PIEZO1: variants seen among roughly 807,000 people sequenced by gnomAD.
The protein encoded by PIEZO1 is piezo-type mechanosensitive ion channel component 1.
In PIEZO1, 296 loss-of-function variants were observed where a neutral mutation model predicts 297.2. The ratio of observed to expected loss-of-function variants is 1.00; its 90% CI spans 0.91 to 1.10. PIEZO1 has a LOEUF of 1.10. PIEZO1 is among the 50% of genes least tolerant of loss of function. The pLI, the probability that PIEZO1 is intolerant of heterozygous loss-of-function variation, is 0.00. For synonymous variants in PIEZO1, 2,427 were observed against 1,507.5 expected (o/e 1.61, Z -14.13); for missense variants, 5,018 against 3,455.5 (o/e 1.45, Z -11.34).
chr16:88,741,593 T>C lies in PIEZO1; in HGVS notation c.350A>G (p.Asn117Ser), dbSNP rs1174487457. 3.3e-6 allele frequency: 5 copies of C among 1,532,056 alleles called. No homozygotes were observed. Among genetic ancestry groups the C allele is most frequent in the South Asian group, 1.2e-5 (1 of 83,764 alleles). 94.9% of individuals were successfully genotyped at this position (1,532,056 alleles called of 1,614,324 possible). A position where few individuals can be genotyped will look rare whatever the true frequency, so the allele number is the denominator to read the frequency against. The change falls in exon 5 of 51, where the codon AAC becomes AGC. Residue 117 changes from asparagine (N) to serine (S), a missense_variant. By Grantham distance (46) the Asn-to-Ser change is conservative. Coordinates refer to ENST00000301015, the MANE Select transcript of PIEZO1 (RefSeq NM_001142864.4). ...GTCAGGGGCCACCAGCCGGATGGCG[T>C]TGGGGATGTCCTTCAGGTCCAGCCT... ...VTRLDLKDIP[N>S]AIRLVAPDLG...
rs1456475664 is a variant in PIEZO1, at chr16:88,726,759, T to C, written c.3655A>G (p.Ile1219Val). The C allele has an allele frequency of 6.5e-7, 1 of 1,550,006 alleles. No individual in the cohort carries two copies. Among genetic ancestry groups the C allele is most frequent in the Admixed American group, 2.0e-5 (1 of 50,994 alleles). ...RARLVLWDCLILYNVTVIISK... is the reference protein window; with the variant it reads ...RARLVLWDCLVLYNVTVIISK... ...ATGATGACGGTGACGTTGTACAGAA[T>C]GAGGCAGTCCCACAGCACGAGGCGG... Residue 1219 changes from isoleucine to valine, a missense_variant, in exon 25 of 51, where the codon ATT (isoleucine) becomes GTT (valine). Ile to Val is a conservative substitution (Grantham distance 29, BLOSUM62 3). Transcript: ENST00000301015.
intron 21 of PIEZO1, 69 bp downstream of exon 21, chr16:88,732,266 A>G: frequency 2.2e-6 from 3 of 1,371,754 alleles, no homozygotes; most frequent in South Asian, 1.3e-5. Context: ...CGGTGCCTGC[A>G]CGGTGCAGCC....
At chr16:88,740,066 G>C in intron 5 of PIEZO1, 1 of 151,868 alleles carries the variant, frequency 6.6e-6, no homozygotes. Flanking sequence ...GCCCTGACTT[G>C]GGCCCCACGT....
chr16:88,754,738 G>A (rs2142872782), intron 1 of PIEZO1, among the ~76,000 whole-genome samples: 1 of 152,320 alleles, frequency 6.6e-6, no homozygotes, highest in Middle Eastern at 3.4e-3. Context: ...GCCTGTGTGT[G>A]ACCCCACACT....
chr16:88,716,132 G>A lies in PIEZO1; in HGVS notation c.7130-13C>T, dbSNP rs1373014527. 3.9e-6 allele frequency: 6 copies of A among 1,537,222 alleles called. No homozygotes were observed. The highest frequency in any genetic ancestry group is 2.5e-5 in the East Asian group (1 of 40,684). On this transcript the variant is annotated splice_polypyrimidine_tract_variant and intron_variant, in intron 49 of 50. Coordinates refer to ENST00000301015, the MANE Select transcript of PIEZO1 (RefSeq NM_001142864.4). ...TCGGCCTCCTCATCTGGGATGGAGGGAGAAGATCGTTGAGGCCGCAGGTCA... is the reference window on the plus strand; with the variant it reads ...TCGGCCTCCTCATCTGGGATGGAGGAAGAAGATCGTTGAGGCCGCAGGTCA...
At chr16:88,778,375 A>G (rs944961837) in intron 1 of PIEZO1, among the ~76,000 whole-genome samples, 2 of 152,216 alleles carry the variant, frequency 1.3e-5, no homozygotes, top group Non-Finnish European at 2.9e-5. Flanking sequence ...CCAGCTATAT[A>G]TACCCACAGA....
Position 88,721,573 on chromosome 16 carries a change from G to C in PIEZO1, c.5368C>G (p.Leu1790Val). ...GAGCGGTGGAAGAAAAGGGCCATGA[G>C]CTGCACCAGGTCGTACTTGATGTAG... is the stretch of plus-strand genomic sequence containing the variant. ...DGYIKYDLVQ[L>V]MALFFHRSQL... is the part of the protein sequence containing the mutation. Residue 1790 changes from leucine (L) to valine (V), a missense_variant, in exon 38 of 51, where the codon CTC (leucine) becomes GTC (valine). Physicochemically the swap from Leu to Val is conservative, Grantham distance 32. Transcript: ENST00000301015. 1 of 1,550,238 alleles carries C rather than the reference G, an allele frequency of 6.5e-7. No homozygotes were observed. Among genetic ancestry groups the C allele is most frequent in the Non-Finnish European group, 8.7e-7 (1 of 1,146,880 alleles).
chr16:88,716,168 G>C, intron 49 of PIEZO1, 30 bp downstream of exon 49: 1 of 1,518,074 alleles, frequency 6.6e-7, no homozygotes. Flanking sequence ...CCCCTCTCTA[G>C]CCTCCCCCAA....
Position 88,721,594 on chromosome 16 carries a change from T to C in PIEZO1, c.5347A>G (p.Ile1783Val), listed in dbSNP as rs971451803. ...ILGLEKTDGY[I>V]KYDLVQLMAL... is the part of the protein sequence containing the mutation. The stretch of plus-strand genomic sequence containing the variant: ...ATGAGCTGCACCAGGTCGTACTTGA[T>C]GTAGCCGTCAGTCTTCTCCAGGCCC... The change falls in exon 38 of 51, where the codon ATC (isoleucine) becomes GTC (valine). Residue 1783 changes from isoleucine (I) to valine (V), a missense_variant. Transcript: ENST00000301015. The C allele has an allele frequency of 1.3e-6, 2 of 1,550,284 alleles. No homozygotes were observed. Among genetic ancestry groups the C allele is most frequent in the Non-Finnish European group, 1.7e-6 (2 of 1,146,912 alleles).
At chr16:88,733,820 C>A (rs1905035673) in intron 17 of PIEZO1, 75 bp from the exon 18 acceptor site, 3 of 1,466,592 alleles carry the variant, frequency 2.0e-6, no homozygotes, top group South Asian at 2.7e-5. Flanking sequence ...GGCTCTGGAG[C>A]CCAGAGGGGA....
At position 88,745,899 on chromosome 16, in the gene PIEZO1, C is replaced by A. The variant is rs1906024942; in HGVS notation, c.161-3477G>T. ...CCCCCAGAGCCGGAGCCCTTGGACCCCGGCACGGCCTGCAAAGGCTGAGGG... is the reference window on the plus strand; with the variant it reads ...CCCCCAGAGCCGGAGCCCTTGGACCACGGCACGGCCTGCAAAGGCTGAGGG... On this transcript the variant is annotated intron_variant, in intron 2 of 50. Coordinates refer to ENST00000301015, the MANE Select transcript of PIEZO1 (RefSeq NM_001142864.4). Among the ~76,000 whole-genome samples the A allele has an allele frequency of 2.6e-5, 4 of 152,322 alleles. No homozygotes were observed. The South Asian group carries it at 8.3e-4, about 32-fold the overall frequency.
At chr16:88,756,726 T>A (rs1906675391) in intron 1 of PIEZO1, among the ~76,000 whole-genome samples, 2 of 149,496 alleles carry the variant, frequency 1.3e-5, no homozygotes, top group South Asian at 4.3e-4. Context: ...TGAGATTATG[T>A]CACTGCACTC....
chr16:88,735,585 T>C (rs1186422825), intron 12 of PIEZO1, among the ~76,000 whole-genome samples: 1 of 152,254 alleles, frequency 6.6e-6, no homozygotes, highest in Non-Finnish European at 1.5e-5. Context: ...ACATGCGTGC[T>C]CACATATGCA....
At chr16:88,749,003 C>T (rs368077945) in intron 2 of PIEZO1, among the ~76,000 whole-genome samples, 1,560 of 148,764 alleles carry the variant, frequency 0.01, 19 homozygotes, top group East Asian at 0.063. Flanking sequence ...TTTGGGAGGC[C>T]GAGGCGGGCG....
At chr16:88,757,884 G>A (rs1161204707) in intron 1 of PIEZO1, among the ~76,000 whole-genome samples, 1 of 152,148 alleles carries the variant, frequency 6.6e-6, no homozygotes, top group Admixed American at 6.5e-5. Context: ...AGATGCCCCA[G>A]GAGGCAGGAA....
At chr16:88,784,876 C>T (rs1427710143) in intron 1 of PIEZO1, 25 bp downstream of exon 1, 2 of 1,422,772 alleles carry the variant, frequency 1.4e-6, no homozygotes, top group African/African-American at 3.0e-5. Flanking sequence ...CTCCCGTCGC[C>T]CCCAGGCGCC....
chr16:88,716,438 G>C lies in PIEZO1; in HGVS notation c.6972C>G (p.His2324Gln). Reference protein sequence around the residue: ...GGTVEYANEKHMLALAPNSTA... With the variant: ...GGTVEYANEKQMLALAPNSTA... ...TGCTGTTGGGGGCCAGGGCCAGCAT[G>C]TGCTTCTCGTTGGCATACTCCACAG... The change falls in exon 48 of 51, where the codon CAC (histidine) becomes CAG (glutamine). Residue 2324 changes from histidine (H) to glutamine (Q), a missense_variant. Transcript: ENST00000301015. The C allele has an allele frequency of 6.5e-7, 1 of 1,549,824 alleles. No homozygotes were observed. Among genetic ancestry groups the C allele is most frequent in the South Asian group, 1.2e-5 (1 of 83,960 alleles).
intron 1 of PIEZO1, among the ~76,000 whole-genome samples, chr16:88,768,262 G>C (rs1241956576): frequency 6.6e-6 from 1 of 152,218 alleles, no homozygotes; most frequent in Non-Finnish European, 1.5e-5. Flanking sequence ...CAGCTTAGCT[G>C]CTGGACCTTA....
chr16:88,721,036 G>C (rs1206282213), intron 39 of PIEZO1, 130 bp downstream of exon 39: 2 of 986,140 alleles, frequency 2.0e-6, no homozygotes, highest in African/African-American at 3.3e-5. Context: ...TGGCTCAGAA[G>C]TGGCACCTTC....
Sources: gnomAD v4.1 joint callset for allele counts (sites outside exome capture counted in the v4.1 genomes callset) on GRCh38, gnomAD v4.1.1 for gene constraint, MANE v1.5 for transcripts, NCBI Gene and HGNC (gene_info 2026-07-23, HGNC 2026-07-21) for gene names.